Variants in SNX2 observed in about 807,000 individuals in gnomAD.
SNX2 encodes sorting nexin 2.
In SNX2, 25 loss-of-function variants were observed where a neutral mutation model predicts 69.9. The observed-to-expected ratio is 0.36, with a 90% confidence interval of 0.26 to 0.50. The LOEUF (loss-of-function observed/expected upper bound fraction) is 0.50. Among genes scored for constraint, SNX2 ranks in the 20% least tolerant of loss-of-function variants. The probability of loss-of-function intolerance (pLI) is 0.97; values close to 1 mark genes in which losing one functional copy is unlikely to be tolerated. For synonymous variants in SNX2, 229 were observed against 200.4 expected, an observed-to-expected ratio of 1.14 and a Z score of -1.20; for missense variants, 551 against 613.3, an observed-to-expected ratio of 0.90 and a Z score of 1.07.
chr5:122,812,315 G>A (rs1288032462), intron 7 of SNX2, among the ~76,000 whole-genome samples: 2 of 152,032 alleles, frequency 1.3e-5, no homozygotes, highest in East Asian at 1.9e-4. Flanking sequence ...CATATCCTCC[G>A]TGATCACTCA....
chr5:122,780,696 C>T (rs573107017), intron 1 of SNX2, among the ~76,000 whole-genome samples: 186 of 151,438 alleles, frequency 1.2e-3, no homozygotes, highest in African/African-American at 4.3e-3. Context: ...CAGCCTTCCA[C>T]GTAGCTGGGA....
chr5:122,779,151 T>C (rs532234921), intron 1 of SNX2, among the ~76,000 whole-genome samples: 13 of 152,346 alleles, frequency 8.5e-5, no homozygotes, highest in Middle Eastern at 3.4e-3. Flanking sequence ...TTTAAAAACA[T>C]CTGTGTTGAG....
intron 11 of SNX2, among the ~76,000 whole-genome samples, chr5:122,819,252 C>T (rs960712543): frequency 2.0e-5 from 3 of 152,174 alleles, no homozygotes; most frequent in East Asian, 3.9e-4. Flanking sequence ...AGATAGAAAA[C>T]ATTTATACAT....
rs138708449 is a variant in SNX2, at chr5:122,795,528, G to A, written c.226+145G>A. ...AACTTAGAAGGATGGGGAATTTCCAGTCACATCACTCTATGAAAAATGTGG... is the reference window on the plus strand; with the variant it reads ...AACTTAGAAGGATGGGGAATTTCCAATCACATCACTCTATGAAAAATGTGG... On this transcript the variant is annotated intron_variant, in intron 2 of 14. Coordinates refer to ENST00000379516, the MANE Select transcript of SNX2 (RefSeq NM_003100.4). The A allele has an allele frequency of 9.7e-4, 588 of 607,042 alleles. 2 individuals carry two copies. In the African/African-American group the frequency reaches 9.8e-3, roughly 10 times the overall value. The allele number at this position is 607,042 out of a possible 1,614,324, so 37.6% of individuals were successfully genotyped here. A position where few individuals can be genotyped will look rare whatever the true frequency, so the allele number is the denominator to read the frequency against.
At chr5:122,781,687 T>C (rs974444962) in intron 1 of SNX2, among the ~76,000 whole-genome samples, 4 of 152,192 alleles carry the variant, frequency 2.6e-5, no homozygotes, top group Non-Finnish European at 4.4e-5. Context: ...TCAATTTTAA[T>C]TTTAGGCAGT....
At chr5:122,827,311 G>A in intron 12 of SNX2, 68 bp from the exon 13 acceptor site, 3 of 1,265,152 alleles carry the variant, frequency 2.4e-6, no homozygotes, top group Non-Finnish European at 3.4e-6. Context: ...ATTAAATTAA[G>A]TGAGTGGTCT....
intron 1 of SNX2, among the ~76,000 whole-genome samples, chr5:122,786,759 C>G (rs3756361): frequency 6.6e-6 from 1 of 151,568 alleles, no homozygotes; most frequent in South Asian, 2.1e-4. Flanking sequence ...CCTCCTTAGT[C>G]GGCCTGCTAT....
chr5:122,820,260 G>A (rs577578183), intron 11 of SNX2, among the ~76,000 whole-genome samples: 3 of 152,240 alleles, frequency 2.0e-5, no homozygotes, highest in South Asian at 2.1e-4. Flanking sequence ...TATCTGGGCC[G>A]GGCACTGTGG....
In SNX2 at chr5:122,831,180, A is replaced by G. The variant is rs544179666; in HGVS notation, c.*1532A>G. On this transcript the variant is annotated 3_prime_UTR_variant, in exon 15 of 15. Transcript: ENST00000379516. ...CATCTCTAGTGAGTCACTGGATACA[A>G]TTTATATATCGAAGTATCCTTAGCA... Among the ~76,000 whole-genome samples the G allele has an allele frequency of 6.6e-6, 1 of 152,296 alleles. No homozygotes were observed. The highest frequency in any genetic ancestry group is 6.5e-5 in the Admixed American group (1 of 15,304).
chr5:122,791,285 G>A (rs58896068), intron 1 of SNX2, among the ~76,000 whole-genome samples: 16,281 of 151,716 alleles, frequency 0.11, 1,258 homozygotes, highest in East Asian at 0.36. Flanking sequence ...CACCATGCCC[G>A]GCTACTTTTT....
At chr5:122,776,907 T>C (rs1752870288) in intron 1 of SNX2, among the ~76,000 whole-genome samples, 2 of 152,242 alleles carry the variant, frequency 1.3e-5, no homozygotes, top group Non-Finnish European at 2.9e-5. Flanking sequence ...GAATAATTTA[T>C]CTTGGTTAAC....
In SNX2 at chr5:122,800,270, T is replaced by G. The variant is rs1217351202; in HGVS notation, c.390+415T>G. Reference sequence around the variant, plus strand: ...AGGATGTATATCAGTTAAAGGTACATTCTCATGATTTGGCAGTAATTTCTG... The same window carrying G: ...AGGATGTATATCAGTTAAAGGTACAGTCTCATGATTTGGCAGTAATTTCTG... On this transcript the variant is annotated intron_variant, in intron 3 of 14. Coordinates refer to ENST00000379516, the MANE Select transcript of SNX2 (RefSeq NM_003100.4). Among the ~76,000 whole-genome samples the G allele has an allele frequency of 3.3e-5, 5 of 152,186 alleles. No homozygotes were observed. The East Asian group carries it at 9.6e-4, about 29-fold the overall frequency.
rs1312948651 is a variant in SNX2 at position 122,813,458 on chromosome 5, C to T, written c.723-2438C>T. Among the ~76,000 whole-genome samples the T allele has an allele frequency of 2.0e-5, 3 of 151,982 alleles. No individual in the cohort carries two copies. The South Asian group carries it at 6.2e-4, about 32-fold the overall frequency. On this transcript the variant is annotated intron_variant, in intron 7 of 14. Transcript: ENST00000379516. ...ATATCATTTTTCAAAATTGATTCTTCAGAATGCTAATATGTAGTAGAATGA... is the reference window on the plus strand; with the variant it reads ...ATATCATTTTTCAAAATTGATTCTTTAGAATGCTAATATGTAGTAGAATGA...
At chr5:122,776,154 G>A (rs1486075801) in intron 1 of SNX2, among the ~76,000 whole-genome samples, 1 of 152,074 alleles carries the variant, frequency 6.6e-6, no homozygotes, top group Non-Finnish European at 1.5e-5. Context: ...GTTTACTGTG[G>A]GCTATACTTG....
rs1441291238 is a variant in SNX2 at position 122,802,131 on chromosome 5, T to C, written c.501+7T>C. 18 of 1,612,734 alleles carry C rather than the reference T, an allele frequency of 1.1e-5. No homozygotes were observed. Among genetic ancestry groups the C allele is most frequent in the Non-Finnish European group, 1.5e-5 (18 of 1,178,852 alleles). On this transcript the variant is annotated splice_region_variant and intron_variant, in intron 5 of 14. Coordinates refer to ENST00000379516, the MANE Select transcript of SNX2 (RefSeq NM_003100.4). ...ATATAGAGTAACAACAAAGGTGAGC[T>C]TTTTGTGCTTTTAAAAAAACTATCG...
rs757600186 is a variant in SNX2, at chr5:122,805,486, T to C, written c.643+1873T>C. ...TTTAAACATTAGGTTTATAAAGCAA[T>C]GTTATTGGTACCCTTTACAGTTTCA... On this transcript the variant is annotated intron_variant, in intron 6 of 14. Transcript: ENST00000379516. Among the ~76,000 whole-genome samples the C allele has an allele frequency of 6.1e-4, 93 of 152,148 alleles. 1 individual carries two copies. The highest frequency in any genetic ancestry group is 2.8e-3 in the Admixed American group (43 of 15,288).
intron 1 of SNX2, among the ~76,000 whole-genome samples, chr5:122,777,585 T>G (rs1187837313): frequency 6.6e-6 from 1 of 152,248 alleles, no homozygotes; most frequent in African/African-American, 2.4e-5. Context: ...TGCAGGGGGA[T>G]CAATTGAAAT....
intron 7 of SNX2, among the ~76,000 whole-genome samples, chr5:122,810,707 C>G (rs1753754752): frequency 6.6e-6 from 1 of 151,862 alleles, no homozygotes; most frequent in African/African-American, 2.4e-5. Context: ...GAAACTTGAC[C>G]CTGTTTGTAT....
At position 122,817,378 on chromosome 5, in the gene SNX2, G is replaced by C; in HGVS notation, c.1006+5G>C. On this transcript the variant is annotated splice_donor_5th_base_variant and intron_variant, in intron 10 of 14. Transcript: ENST00000379516. ...CCTTGGTCTGTCATAGAAAAGGTTT[G>C]TTTGCCTTACTACTTACGTAGTTAG... is the stretch of plus-strand genomic sequence containing the variant. 6.2e-7 allele frequency: 1 copy of C among 1,605,908 alleles called. No individual in the cohort carries two copies. The highest frequency in any genetic ancestry group is 1.3e-5 in the African/African-American group (1 of 74,840).
Sources: gnomAD v4.1 joint callset for allele counts (sites outside exome capture counted in the v4.1 genomes callset) on GRCh38, gnomAD v4.1.1 for gene constraint, MANE v1.5 for transcripts, NCBI Gene and HGNC (gene_info 2026-07-23, HGNC 2026-07-21) for gene names.